The following MANBA variants were observed in gnomAD, a reference collection of about 807,000 sequenced individuals.
MANBA encodes mannosidase beta, also known as beta-mannosidase.
A neutral mutation model predicts 111.1 loss-of-function variants in MANBA; 83 were observed. That is an observed-to-expected ratio of 0.75 (90% CI 0.63 to 0.90). MANBA has a LOEUF of 0.90. Ranked by LOEUF, MANBA falls within the 40% of genes least tolerant of loss-of-function variation. The pLI is 0.00. For synonymous variants in MANBA, 370 were observed against 378.7 expected (o/e 0.98, Z 0.27); for missense variants, 1,036 against 1,069.0 (o/e 0.97, Z 0.43).
rs779397950 is a variant in MANBA at position 102,650,640 on chromosome 4, T to A, written c.1766A>T (p.Glu589Val). Residue 589 changes from glutamate to valine, a missense_variant, in exon 13 of 17, where the codon GAA becomes GTA. Coordinates refer to ENST00000647097, the MANE Select transcript of MANBA (RefSeq NM_005908.4). Reference sequence around the variant, plus strand: ...ATAAAGCATTTGTTTGTTACCACCTTCGTGATGTTGTCGATGAAGTGAAAA... The same window carrying A: ...ATAAAGCATTTGTTTGTTACCACCTACGTGATGTTGTCGATGAAGTGAAAA... ...SKFSLHRQHH[E>V]GGNKQMLYQA... The A allele has an allele frequency of 6.2e-7, 1 of 1,613,340 alleles. No homozygotes were observed. Among genetic ancestry groups the A allele is most frequent in the African/African-American group, 1.3e-5 (1 of 74,912 alleles).
chr4:102,701,778 T>C (rs1733061137), intron 5 of MANBA, among the ~76,000 whole-genome samples: 1 of 152,146 alleles, frequency 6.6e-6, no homozygotes, highest in South Asian at 2.1e-4. Context: ...CCTTTCTCTC[T>C]GGCTGCCCTT....
intron 1 of MANBA, among the ~76,000 whole-genome samples, 191 bp from the exon 2 acceptor site, chr4:102,726,874 C>A (rs991005246): frequency 9.2e-5 from 14 of 152,178 alleles, no homozygotes; most frequent in African/African-American, 2.7e-4. Context: ...CAACAAATTA[C>A]CTGAAATGAA....
Position 102,657,672 on chromosome 4 carries a change from G to A in MANBA, c.1704+10C>T, listed in dbSNP as rs188234755. 601 of 1,581,526 alleles carry A rather than the reference G, an allele frequency of 3.8e-4. 5 individuals carry two copies. The highest frequency in any genetic ancestry group is 9.9e-5 in the Non-Finnish European group (114 of 1,150,716). ...ATTCTGAAACATTAGAAAATCAAAC[G>A]ATGACTTACCTTTTCTAATGTACTG... On this transcript the variant is annotated intron_variant, in intron 12 of 16. Coordinates refer to ENST00000647097, the MANE Select transcript of MANBA (RefSeq NM_005908.4).
At chr4:102,651,529 T>G (rs995227906) in intron 12 of MANBA, among the ~76,000 whole-genome samples, 4 of 152,192 alleles carry the variant, frequency 2.6e-5, no homozygotes, top group African/African-American at 9.6e-5. Context: ...AGACAATTGC[T>G]GGCTACATCT....
At position 102,671,889 on chromosome 4, in the gene MANBA, T is replaced by C. The variant is rs113013209; in HGVS notation, c.1113-491A>G. The C allele has an allele frequency of 5.4e-3, 2,294 of 421,612 alleles. 28 individuals carry two copies. The highest frequency in any genetic ancestry group is 0.036 in the African/African-American group (1,764 of 48,848). 26.1% of individuals were successfully genotyped at this position (421,612 alleles called of 1,614,324 possible). On this transcript the variant is annotated intron_variant, in intron 8 of 16. Coordinates refer to ENST00000647097, the MANE Select transcript of MANBA (RefSeq NM_005908.4). ...ATTACCCTCAGGAAAATCTAGAAACTTACAGGCAGCTTGAGAGCATGTACC... is the reference window on the plus strand; with the variant it reads ...ATTACCCTCAGGAAAATCTAGAAACCTACAGGCAGCTTGAGAGCATGTACC...
chr4:102,709,421 G>A lies in MANBA; in HGVS notation c.673+5017C>T, dbSNP rs563043923. The stretch of plus-strand genomic sequence containing the variant: ...AAGAAAAAAAAGAAAGAAAGAAAGA[G>A]AAAGAGAGAGAGAGAAAGGAAGGAA... On this transcript the variant is annotated intron_variant, in intron 5 of 16. Coordinates refer to ENST00000647097, the MANE Select transcript of MANBA (RefSeq NM_005908.4). Among the ~76,000 whole-genome samples, 42 of 127,452 alleles carry A rather than the reference G, an allele frequency of 3.3e-4. 1 individual carries two copies. Among genetic ancestry groups the A allele is most frequent in the Admixed American group, 2.5e-3 (32 of 12,952 alleles). The allele number at this position is 127,452 out of a possible 152,430, so 83.6% of individuals were successfully genotyped here. A position where few individuals can be genotyped will look rare whatever the true frequency, so the allele number is the denominator to read the frequency against.
chr4:102,743,355 T>C (rs1723477816), intron 1 of MANBA, among the ~76,000 whole-genome samples: 1 of 152,224 alleles, frequency 6.6e-6, no homozygotes, highest in Non-Finnish European at 1.5e-5. Flanking sequence ...CCAGGTGCAC[T>C]GCTTGAAGTC....
intron 10 of MANBA, 24 bp from the exon 11 acceptor site, chr4:102,664,876 T>C: frequency 6.4e-7 from 1 of 1,551,844 alleles, no homozygotes; most frequent in Non-Finnish European, 8.9e-7. Context: ...AAACATAAAA[T>C]GATTTTCAAA....
rs1396832537 is a variant in MANBA at position 102,760,763 on chromosome 4, G to A, written c.132C>T (p.Val44=). 6 of 1,549,856 alleles carry A rather than the reference G, an allele frequency of 3.9e-6. No individual in the cohort carries two copies. The Admixed American group carries it at 1.2e-4, about 30-fold the overall frequency. The stretch of plus-strand genomic sequence containing the variant: ...ACAAGGCGCTGTGCACGCAGCCAGG[G>A]ACCGCCCCGGGCAGCTCCAGCGAGC... The part of the protein sequence containing the change: ...GNGSLELPGA[V]PGCVHSALFQ... Residue 44 remains valine (V), a synonymous_variant, in exon 1 of 17, where the codon GTC becomes GTT. Transcript: ENST00000647097.
intron 5 of MANBA, among the ~76,000 whole-genome samples, chr4:102,712,318 A>C (rs1273757943): frequency 1.3e-5 from 2 of 152,216 alleles, no homozygotes; most frequent in Non-Finnish European, 2.9e-5. Flanking sequence ...AAATTCACTC[A>C]GTCACTAGTG....
chr4:102,698,902 T>C (rs1171604243), intron 5 of MANBA, among the ~76,000 whole-genome samples: 2 of 152,174 alleles, frequency 1.3e-5, no homozygotes, highest in Admixed American at 1.3e-4. Context: ...GGAAAGTCAT[T>C]GGTAGCTTGA....
chr4:102,637,523 A>G (rs1443324582), intron 14 of MANBA, among the ~76,000 whole-genome samples: 2 of 152,186 alleles, frequency 1.3e-5, no homozygotes, highest in Non-Finnish European at 2.9e-5. Context: ...TTGTCCAATC[A>G]CATTTCTACA....
At chr4:102,728,268 C>T (rs770221776) in intron 1 of MANBA, 630 of 536,110 alleles carry the variant, frequency 1.2e-3, no homozygotes, top group Non-Finnish European at 1.6e-3. Flanking sequence ...GCACCCTGTT[C>T]CTTCCTGTTG....
chr4:102,637,574 C>T (rs6833962), intron 14 of MANBA, among the ~76,000 whole-genome samples: 23,119 of 152,154 alleles, frequency 0.15, 2,690 homozygotes, highest in African/African-American at 0.32. Context: ...CTCCCTATAA[C>T]GCCCAAGAGG....
chr4:102,737,947 C>T (rs1723279107), intron 1 of MANBA, among the ~76,000 whole-genome samples: 2 of 152,180 alleles, frequency 1.3e-5, no homozygotes, highest in African/African-American at 2.4e-5. Context: ...CCTGTCCTCA[C>T]CTGATGGATT....
chr4:102,725,748 T>G (rs1309398499), intron 2 of MANBA, among the ~76,000 whole-genome samples: 2 of 151,946 alleles, frequency 1.3e-5, no homozygotes, highest in Non-Finnish European at 2.9e-5. Flanking sequence ...AAGATGGAAA[T>G]GAGATGGAAG....
intron 13 of MANBA, among the ~76,000 whole-genome samples, chr4:102,648,083 TG>T (rs1457738785): frequency 1.3e-5 from 2 of 152,058 alleles, no homozygotes; most frequent in African/African-American, 4.8e-5. Context: ...GCGACTTTAA[TG>T]GAGTCTTAAG....
rs1335179612 is a variant in MANBA at position 102,671,159 on chromosome 4, T to C, written c.1230+122A>G. ...GTTTACAAGATGCCATTTATTCCTA[T>C]AGCCCCAAATGGAATATCATTCCTA... On this transcript the variant is annotated intron_variant, in intron 9 of 16. Transcript: ENST00000647097. The C allele has an allele frequency of 1.3e-5, 10 of 744,900 alleles. No homozygotes were observed. In the East Asian group the frequency reaches 2.1e-4, roughly 15 times the overall value. The allele number at this position is 744,900 out of a possible 1,614,324, so 46.1% of individuals were successfully genotyped here. A position where few individuals can be genotyped will look rare whatever the true frequency, so the allele number is the denominator to read the frequency against.
At chr4:102,650,975 T>C in intron 12 of MANBA, 1 of 371,144 alleles carries the variant, frequency 2.7e-6, no homozygotes, top group Non-Finnish European at 4.9e-6. Flanking sequence ...CTTAAGACTC[T>C]TGTTTTATCA....
Sources: allele counts gnomAD v4.1 joint callset (sites outside exome capture counted in the v4.1 genomes callset), GRCh38; gene constraint gnomAD v4.1.1; transcripts MANE v1.5; gene names NCBI Gene and HGNC (gene_info 2026-07-23, HGNC 2026-07-21).